DENND5B: variants seen among roughly 807,000 people sequenced by gnomAD.
DENND5B encodes the protein DENN domain containing 5B.
DENND5B carries 34 observed loss-of-function variants against 140.6 expected under a neutral mutation model. That is an observed-to-expected ratio of 0.24 (90% CI 0.18 to 0.32). The LOEUF (loss-of-function observed/expected upper bound fraction) is 0.32, where lower values mean the gene tolerates loss of function less well. Among genes scored for constraint, DENND5B ranks in the 10% least tolerant of loss-of-function variants. The pLI, the probability that DENND5B is intolerant of heterozygous loss-of-function variation, is 1.00. For missense variants in DENND5B, 1,142 were observed against 1,560.2 expected (o/e 0.73, Z 4.52); for synonymous variants, 551 against 562.1 (o/e 0.98, Z 0.28).
intron 1 of DENND5B, among the ~76,000 whole-genome samples, chr12:31,513,024 TA>T (rs1338022738): frequency 6.6e-6 from 1 of 152,232 alleles, no homozygotes; most frequent in East Asian, 1.9e-4. Flanking sequence ...CAAGCCTCCC[TA>T]AGTTCCTCTT....
At chr12:31,492,369 G>A (rs1946564064) in intron 2 of DENND5B, among the ~76,000 whole-genome samples, 2 of 152,100 alleles carry the variant, frequency 1.3e-5, no homozygotes, top group Non-Finnish European at 1.5e-5. Context: ...ACACATGAAG[G>A]GTGGCATTTT....
chr12:31,452,524 T>C (rs772159276), intron 4 of DENND5B, 48 bp from the exon 5 acceptor site: 14 of 1,517,738 alleles, frequency 9.2e-6, no homozygotes, highest in South Asian at 6.8e-5. Context: ...AGGAATTGTA[T>C]GTGCTAACAT....
intron 3 of DENND5B, among the ~76,000 whole-genome samples, chr12:31,475,647 G>A (rs1260962304): frequency 2.0e-5 from 3 of 152,092 alleles, no homozygotes; most frequent in Admixed American, 1.3e-4. Flanking sequence ...TACTCAGGAG[G>A]CTGAGGGGTG....
At chr12:31,549,529 ATTTTT>A (rs557722449) in intron 1 of DENND5B, among the ~76,000 whole-genome samples, 2 of 150,416 alleles carry the variant, frequency 1.3e-5, no homozygotes, top group East Asian at 3.9e-4. Flanking sequence ...TAATGTGACT[ATTTTT>A]TTTAATTTTT....
At chr12:31,398,403 T>G in intron 16 of DENND5B, 41 bp from the exon 17 acceptor site, 1 of 1,511,230 alleles carries the variant, frequency 6.6e-7, no homozygotes, top group South Asian at 1.3e-5. Context: ...TTTATTTTTT[T>G]GAGACAGGGT....
chr12:31,399,735 C>A lies in DENND5B; in HGVS notation c.2987G>T (p.Gly996Val). The A allele has an allele frequency of 6.2e-7, 1 of 1,613,950 alleles. No individual in the cohort carries two copies. The highest frequency in any genetic ancestry group is 8.5e-7 in the Non-Finnish European group (1 of 1,179,930). Reference sequence around the variant, plus strand: ...GGCTAACAGTCCTGAGTTATCGTGACCAATCTGAACAGTGGTCAGCTTCCC... The same window carrying A: ...GGCTAACAGTCCTGAGTTATCGTGAACAATCTGAACAGTGGTCAGCTTCCC... ...NLGKLTTVQI[G>V]HDNSGLLAKW... is the part of the protein sequence containing the mutation. The change falls in exon 16 of 21, where the codon GGT (glycine) becomes GTT (valine). Residue 996 changes from glycine (G) to valine (V), a missense_variant. Gly to Val is a moderately radical substitution (Grantham distance 109). Transcript: ENST00000389082.
chr12:31,518,299 C>T (rs1947747910), intron 1 of DENND5B, among the ~76,000 whole-genome samples: 1 of 152,248 alleles, frequency 6.6e-6, no homozygotes, highest in Non-Finnish European at 1.5e-5. Flanking sequence ...CCTGAGCAGT[C>T]CCTCTCCCTC....
At chr12:31,412,388 G>A (rs1239098979) in intron 13 of DENND5B, among the ~76,000 whole-genome samples, 1 of 152,206 alleles carries the variant, frequency 6.6e-6, no homozygotes. Context: ...GGAAGATAAT[G>A]TTCCCATGGC....
rs773902703 is a variant in DENND5B at position 31,409,329 on chromosome 12, G to C, written c.2737C>G (p.Leu913Val). The change falls in exon 14 of 21, where the codon CTT becomes GTT. Residue 913 changes from leucine (L) to valine (V), a missense_variant. Coordinates refer to ENST00000389082, the MANE Select transcript of DENND5B (RefSeq NM_144973.4). ...GCATTGAGAGAAAGAAGGTGGTAAAGAAACTGCTCTCTTTCTTCTTCGCAA... is the reference window on the plus strand; with the variant it reads ...GCATTGAGAGAAAGAAGGTGGTAAACAAACTGCTCTCTTTCTTCTTCGCAA... ...LRCEEEREQF[L>V]YHLLSLNAVD... 2.6e-6 allele frequency: 4 copies of C among 1,563,194 alleles called. No homozygotes were observed. The African/African-American group carries it at 4.1e-5, about 16-fold the overall frequency.
At chr12:31,449,953 G>A (rs944197987) in intron 5 of DENND5B, among the ~76,000 whole-genome samples, 6 of 151,938 alleles carry the variant, frequency 3.9e-5, no homozygotes, top group African/African-American at 4.8e-5. Flanking sequence ...GGATGGTCTC[G>A]ATCTCCTGAC....
intron 1 of DENND5B, among the ~76,000 whole-genome samples, chr12:31,576,094 C>G (rs1306876673): frequency 1.3e-5 from 2 of 148,170 alleles, no homozygotes; most frequent in East Asian, 2.0e-4. Flanking sequence ...TGAGCTATGA[C>G]TGTGCCACTG....
At chr12:31,392,062 C>T (rs1941174810) in intron 19 of DENND5B, among the ~76,000 whole-genome samples, 2 of 151,184 alleles carry the variant, frequency 1.3e-5, no homozygotes, top group Admixed American at 1.3e-4. Context: ...TCATTTGAAC[C>T]TGGGAGGCGG....
intron 1 of DENND5B, among the ~76,000 whole-genome samples, chr12:31,546,186 T>G (rs1047073347): frequency 2.6e-5 from 4 of 152,096 alleles, no homozygotes; most frequent in Admixed American, 2.0e-4. Context: ...ATGACCCATA[T>G]AATAACAAAT....
intron 6 of DENND5B, among the ~76,000 whole-genome samples, chr12:31,445,650 A>G (rs1944241801): frequency 1.3e-5 from 2 of 151,642 alleles, no homozygotes. Context: ...GGTTGCAGTG[A>G]GCCGAGATGG....
intron 11 of DENND5B, chr12:31,420,156 T>C (rs1942954465): frequency 1.3e-6 from 1 of 768,584 alleles, no homozygotes; most frequent in Admixed American, 6.3e-5. Context: ...AGACAGGGTC[T>C]TGCTCTGTCA....
At position 31,590,853 on chromosome 12, in the gene DENND5B, G is replaced by GGCCGCC. The variant is rs953735856; in HGVS notation, c.-27_-22dup. The GGCCGCC allele has an allele frequency of 1.8e-5, 22 of 1,204,696 alleles. No homozygotes were observed. Among genetic ancestry groups the GGCCGCC allele is most frequent in the Admixed American group, 9.0e-5 (2 of 22,258 alleles). The allele number at this position is 1,204,696 out of a possible 1,614,324, so 74.6% of individuals were successfully genotyped here. On this transcript the variant is annotated 5_prime_UTR_variant, in exon 1 of 21. Coordinates refer to ENST00000389082, the MANE Select transcript of DENND5B (RefSeq NM_144973.4). ...CTCATCCCGGCCGCGCTGCTCCAGG[G>GGCCGCC]GCCGCCGCCGCCGCCGCCCGGGAAG...
At chr12:31,583,568 C>T (rs1264181198) in intron 1 of DENND5B, among the ~76,000 whole-genome samples, 3 of 152,060 alleles carry the variant, frequency 2.0e-5, no homozygotes, top group Non-Finnish European at 2.9e-5. Context: ...GTCCCAGCTA[C>T]TTGGGAGGCT....
At chr12:31,508,884 G>C (rs1373311404) in intron 1 of DENND5B, among the ~76,000 whole-genome samples, 1 of 152,172 alleles carries the variant, frequency 6.6e-6, no homozygotes, top group African/African-American at 2.4e-5. Context: ...ATCAGAGACT[G>C]TGATTCTCAA....
intron 11 of DENND5B, among the ~76,000 whole-genome samples, chr12:31,418,976 A>G (rs548282393): frequency 6.8e-4 from 103 of 152,242 alleles, no homozygotes; most frequent in Admixed American, 2.7e-3. Flanking sequence ...GTGGTACTCT[A>G]TTATGGCAGC....
Sources: gnomAD v4.1 joint callset for allele counts (sites outside exome capture counted in the v4.1 genomes callset) on GRCh38, gnomAD v4.1.1 for gene constraint, MANE v1.5 for transcripts, NCBI Gene and HGNC (gene_info 2026-07-23, HGNC 2026-07-21) for gene names.